Variants in SLC25A24 observed in about 807,000 individuals in gnomAD.
SLC25A24 encodes the protein mitochondrial adenyl nucleotide antiporter SLC25A24.
In SLC25A24, 49 loss-of-function variants were observed where a neutral mutation model predicts 60.7. That is an observed-to-expected ratio of 0.81 (90% CI 0.64 to 1.02). The LOEUF is 1.02. Among genes scored for constraint, SLC25A24 ranks in the 50% least tolerant of loss-of-function variants. The pLI is 0.00. For missense variants in SLC25A24, 564 were observed against 586.3 expected (o/e 0.96, Z 0.39); for synonymous variants, 202 against 200.6 (o/e 1.01, Z -0.06).
chr1:108,159,089 A>T (rs1679983560), intron 4 of SLC25A24, among the ~76,000 whole-genome samples: 1 of 152,378 alleles, frequency 6.6e-6, no homozygotes, highest in South Asian at 2.1e-4. Flanking sequence ...AGCAGATTGC[A>T]CAATAATAGA....
intron 1 of SLC25A24, among the ~76,000 whole-genome samples, chr1:108,195,176 A>T (rs1396905747): frequency 7.1e-6 from 1 of 140,628 alleles, no homozygotes; most frequent in East Asian, 1.9e-4. Context: ...GTCTTGTGGA[A>T]GCTTCTTTTG....
chr1:108,155,197 A>G lies in SLC25A24; in HGVS notation c.670-62T>C, dbSNP rs567851928. ...GCATATTACTATTACTTTTTCTAGA[A>G]CAACCACACAATCTTTTTCAATACC... On this transcript the variant is annotated intron_variant, in intron 5 of 9. Coordinates refer to ENST00000565488, the MANE Select transcript of SLC25A24 (RefSeq NM_013386.5). The G allele has an allele frequency of 3.8e-5, 54 of 1,422,202 alleles. No homozygotes were observed. In the African/African-American group the frequency reaches 7.6e-4, roughly 20 times the overall value. The allele number at this position is 1,422,202 out of a possible 1,614,324, so 88.1% of individuals were successfully genotyped here. A position where few individuals can be genotyped will look rare whatever the true frequency, so the allele number is the denominator to read the frequency against.
Position 108,179,187 on chromosome 1 carries a change from A to G in SLC25A24, c.398+2754T>C, listed in dbSNP as rs544964853. ...AAATGCAAATAAAAGCCACAATGAG[A>G]TATCACCTCATACTACACTTAGAAT... On this transcript the variant is annotated intron_variant, in intron 3 of 9. Coordinates refer to ENST00000565488, the MANE Select transcript of SLC25A24 (RefSeq NM_013386.5). Among the ~76,000 whole-genome samples, 4 of 152,062 alleles carry G rather than the reference A, an allele frequency of 2.6e-5. No homozygotes were observed. The South Asian group carries it at 8.3e-4, about 32-fold the overall frequency.
At chr1:108,148,892 C>T (rs543140265) in intron 6 of SLC25A24, among the ~76,000 whole-genome samples, 228 of 152,300 alleles carry the variant, frequency 1.5e-3, no homozygotes, top group African/African-American at 5.3e-3. Context: ...ATTAATAATA[C>T]ATAGCAGAAG....
intron 8 of SLC25A24, among the ~76,000 whole-genome samples, chr1:108,142,053 A>T (rs895848078): frequency 3.9e-5 from 6 of 152,244 alleles, no homozygotes; most frequent in Non-Finnish European, 8.8e-5. Context: ...CAAGAAGTAA[A>T]GTCCTGAACC....
At chr1:108,170,212 C>T (rs914116520) in intron 3 of SLC25A24, among the ~76,000 whole-genome samples, 4 of 152,114 alleles carry the variant, frequency 2.6e-5, no homozygotes, top group Non-Finnish European at 5.9e-5. Flanking sequence ...TTTCCACTTA[C>T]GATTTCCTTT....
At chr1:108,148,182 C>T in intron 7 of SLC25A24, 97 bp downstream of exon 7, 1 of 813,064 alleles carries the variant, frequency 1.2e-6, no homozygotes, top group Non-Finnish European at 2.1e-6. Context: ...ATGATAAATG[C>T]TTGTTTTAAA....
intron 3 of SLC25A24, among the ~76,000 whole-genome samples, chr1:108,163,301 C>T: frequency 7.7e-6 from 1 of 130,270 alleles, no homozygotes; most frequent in Admixed American, 7.4e-5. Flanking sequence ...TCCATATGAA[C>T]TTTAAAGTAG....
chr1:108,161,434 T>C lies in SLC25A24; in HGVS notation c.399-141A>G, dbSNP rs906568681. On this transcript the variant is annotated intron_variant, in intron 3 of 9. Coordinates refer to ENST00000565488, the MANE Select transcript of SLC25A24 (RefSeq NM_013386.5). ...AAAAAACCCCATCCACAAATATAGG[T>C]TGTTGGAAATGGCAGCAAGCATTTT... is the stretch of plus-strand genomic sequence containing the variant. The C allele has an allele frequency of 1.2e-5, 7 of 601,782 alleles. No individual in the cohort carries two copies. The Admixed American group carries it at 2.4e-4, about 21-fold the overall frequency. 37.3% of individuals were successfully genotyped at this position (601,782 alleles called of 1,614,324 possible).
chr1:108,188,678 A>G (rs1344666452), intron 1 of SLC25A24, among the ~76,000 whole-genome samples: 1 of 152,216 alleles, frequency 6.6e-6, no homozygotes, highest in East Asian at 1.9e-4. Context: ...TTTTTATTGC[A>G]AGGTGACCCA....
chr1:108,145,673 C>T (rs980955320), intron 7 of SLC25A24, among the ~76,000 whole-genome samples: 2 of 152,054 alleles, frequency 1.3e-5, no homozygotes, highest in African/African-American at 4.8e-5. Context: ...ATAAGGAATC[C>T]TTTCCCCATT....
At position 108,161,283 on chromosome 1, in the gene SLC25A24, C is replaced by T. The variant is rs1680075549; in HGVS notation, c.409G>A (p.Asp137Asn). 4 of 1,559,146 alleles carry T rather than the reference C, an allele frequency of 2.6e-6. No homozygotes were observed. The South Asian group carries it at 3.4e-5, about 13-fold the overall frequency. Residue 137 changes from aspartate to asparagine, a missense_variant, in exon 4 of 10, where the codon GAT becomes AAT. By Grantham distance (23) the Asp-to-Asn change is conservative. Transcript: ENST00000565488. Reference sequence around the variant, plus strand: ...TTCCAGTCCACTGTCATTGTCCCATCAACATCAATGCTGAAATTTTAAAAA... The same window carrying T: ...TTCCAGTCCACTGTCATTGTCCCATTAACATCAATGCTGAAATTTTAAAAA... Reference protein sequence around the residue: ...AELILQSIDVDGTMTVDWNEW... With the variant: ...AELILQSIDVNGTMTVDWNEW...
chr1:108,198,333 T>A (rs12562943), intron 1 of SLC25A24, among the ~76,000 whole-genome samples: 1 of 152,176 alleles, frequency 6.6e-6, no homozygotes, highest in East Asian at 1.9e-4. Context: ...GCAAGCACTG[T>A]CAGTCAAAAG....
chr1:108,180,145 C>T (rs1647860855), intron 3 of SLC25A24, among the ~76,000 whole-genome samples: 1 of 151,976 alleles, frequency 6.6e-6, no homozygotes, highest in African/African-American at 2.4e-5. Context: ...GGGTGGATCA[C>T]CTGATGTCAG....
At chr1:108,197,460 GT>G (rs1203281269) in intron 1 of SLC25A24, among the ~76,000 whole-genome samples, 5 of 152,096 alleles carry the variant, frequency 3.3e-5, no homozygotes, top group African/African-American at 1.2e-4. Flanking sequence ...TCACCCCACA[GT>G]TCTCATTTCT....
rs1463702590 is a variant in SLC25A24, at chr1:108,185,972, AG to A, written c.184-19del. 12 of 1,547,598 alleles carry A rather than the reference AG, an allele frequency of 7.8e-6. No homozygotes were observed. The South Asian group carries it at 1.5e-4, about 19-fold the overall frequency. ...AAAATTTTCTATAAAAAAAAATTAGAGAGAAGTTATTGCCAATATGGGCTGA... is the reference window on the plus strand; with the variant it reads ...AAAATTTTCTATAAAAAAAAATTAGAAGAAGTTATTGCCAATATGGGCTGA... On this transcript the variant is annotated intron_variant, in intron 1 of 9. Coordinates refer to ENST00000565488, the MANE Select transcript of SLC25A24 (RefSeq NM_013386.5).
At chr1:108,169,537 T>G (rs1647372243) in intron 3 of SLC25A24, among the ~76,000 whole-genome samples, 1 of 152,222 alleles carries the variant, frequency 6.6e-6, no homozygotes, top group South Asian at 2.1e-4. Flanking sequence ...TTTTTACATA[T>G]AAGTCATAGG....
chr1:108,135,629 A>G lies in SLC25A24; in HGVS notation c.*1024T>C, dbSNP rs1014457019. 1 of 152,372 alleles carries G rather than the reference A, an allele frequency of 6.6e-6. No individual in the cohort carries two copies. 9.4% of individuals were successfully genotyped at this position (152,372 alleles called of 1,614,324 possible). On this transcript the variant is annotated 3_prime_UTR_variant, in exon 10 of 10. Transcript: ENST00000565488. ...TCATTTAAATATAGGTATCTAATGTATAAGAGTAATACATACTACTATTAA... is the reference window on the plus strand; with the variant it reads ...TCATTTAAATATAGGTATCTAATGTGTAAGAGTAATACATACTACTATTAA...
chr1:108,154,881 A>T (rs1423309014), intron 6 of SLC25A24, 102 bp downstream of exon 6: 2 of 817,134 alleles, frequency 2.4e-6, no homozygotes, highest in Non-Finnish European at 3.8e-6. Flanking sequence ...AAAGATTATC[A>T]TGTATTAAAA....
Sources: gnomAD v4.1 joint callset for allele counts (sites outside exome capture counted in the v4.1 genomes callset) on GRCh38, gnomAD v4.1.1 for gene constraint, MANE v1.5 for transcripts, NCBI Gene and HGNC (gene_info 2026-07-23, HGNC 2026-07-21) for gene names.